Variants in SLC19A3 observed in about 807,000 individuals in gnomAD.
The protein encoded by SLC19A3 is thiamine transporter 2.
Under a neutral mutation model 40.2 loss-of-function variants are expected in SLC19A3, and 31 were observed. That is an observed-to-expected ratio of 0.77 (90% confidence interval 0.58 to 1.04). The LOEUF (loss-of-function observed/expected upper bound fraction) is 1.04. SLC19A3 is among the 50% of genes least tolerant of loss of function. SLC19A3 has a pLI of 0.00. For missense variants in SLC19A3, 592 were observed against 596.7 expected (o/e 0.99, Z 0.08); for synonymous variants, 212 against 227.5 (o/e 0.93, Z 0.61).
Position 227,702,189 on chromosome 2 carries a change from T to C in SLC19A3, c.130A>G (p.Lys44Glu), listed in dbSNP as rs137852957. ...CTTACCTCTGCACTGGTCAGGTTTT[T>C]ATCTGGTCCAGATAAATATGGGATA... Reference protein sequence around the residue: ...FLIPYLSGPDKNLTSAEITNE... With the variant: ...FLIPYLSGPDENLTSAEITNE... Residue 44 changes from lysine (K) to glutamate (E), a missense_variant, in exon 2 of 6, where the codon AAA becomes GAA. Transcript: ENST00000644224. The C allele has an allele frequency of 6.2e-7, 1 of 1,614,010 alleles. No homozygotes were observed. Among genetic ancestry groups the C allele is most frequent in the South Asian group, 1.1e-5 (1 of 91,076 alleles).
At chr2:227,693,124 A>G (rs1036676218) in intron 4 of SLC19A3, among the ~76,000 whole-genome samples, 1 of 152,196 alleles carries the variant, frequency 6.6e-6, no homozygotes, top group African/African-American at 2.4e-5. Flanking sequence ...CATACTATCC[A>G]AAGCAATTTA....
chr2:227,705,983 G>A (rs1695922379), intron 1 of SLC19A3, among the ~76,000 whole-genome samples: 1 of 151,928 alleles, frequency 6.6e-6, no homozygotes. Flanking sequence ...AGGAGTTCGA[G>A]GCTGCAGTGA....
intron 3 of SLC19A3, among the ~76,000 whole-genome samples, chr2:227,696,386 A>C (rs909697110): frequency 2.9e-4 from 44 of 152,356 alleles, no homozygotes; most frequent in African/African-American, 9.9e-4. Context: ...CAGTGTAAGG[A>C]GAAATGATAC....
chr2:227,716,549 C>CA (rs1696342400), intron 1 of SLC19A3, among the ~76,000 whole-genome samples: 2 of 152,170 alleles, frequency 1.3e-5, no homozygotes, highest in African/African-American at 4.8e-5. Flanking sequence ...ATATACCCCA[C>CA]ACCTGAACAG....
chr2:227,694,564 T>C (rs1695355836), intron 4 of SLC19A3, among the ~76,000 whole-genome samples: 1 of 152,230 alleles, frequency 6.6e-6, no homozygotes, highest in African/African-American at 2.4e-5. Flanking sequence ...TCTCCACTTC[T>C]TTCATGCAAT....
rs1695034153 is a variant in SLC19A3, at chr2:227,686,825, G to GAATAATGC, written c.*564_*571dup. 1 of 152,186 alleles carries GAATAATGC rather than the reference G, an allele frequency of 6.6e-6. No homozygotes were observed. Among genetic ancestry groups the GAATAATGC allele is most frequent in the Non-Finnish European group, 1.5e-5 (1 of 68,066 alleles). 9.4% of individuals were successfully genotyped at this position (152,186 alleles called of 1,614,324 possible). On this transcript the variant is annotated 3_prime_UTR_variant, in exon 6 of 6. Coordinates refer to ENST00000644224, the MANE Select transcript of SLC19A3 (RefSeq NM_025243.4). The stretch of plus-strand genomic sequence containing the variant: ...TAATAATACTATCAAATCATAACGT[G>GAATAATGC]AATAATGCTGTTATTAGAGTTGAAG...
At chr2:227,693,024 T>C (rs1432275057) in intron 4 of SLC19A3, among the ~76,000 whole-genome samples, 1 of 152,002 alleles carries the variant, frequency 6.6e-6, no homozygotes, top group Middle Eastern at 3.2e-3. Context: ...TATAAAACAC[T>C]GATACAAGAA....
chr2:227,712,050 CAAAAAA>C (rs397988111), intron 1 of SLC19A3, among the ~76,000 whole-genome samples: 1 of 65,494 alleles, frequency 1.5e-5, no homozygotes, highest in Non-Finnish European at 2.6e-5. Context: ...ACTCTGTCTC[CAAAAAA>C]AAAAAAAAAA....
intron 3 of SLC19A3, among the ~76,000 whole-genome samples, chr2:227,696,708 G>T (rs776145097): frequency 3.9e-5 from 6 of 152,160 alleles, no homozygotes; most frequent in Admixed American, 1.3e-4. Flanking sequence ...CAGAGTTCAA[G>T]AAATTGAAAT....
At chr2:227,697,905 G>A (rs1267683651) in intron 3 of SLC19A3, among the ~76,000 whole-genome samples, 2 of 151,584 alleles carry the variant, frequency 1.3e-5, no homozygotes, top group African/African-American at 2.4e-5. Context: ...GTGAAACCCC[G>A]TCTCTACTAA....
intron 3 of SLC19A3, among the ~76,000 whole-genome samples, chr2:227,697,907 C>G (rs1434391425): frequency 2.0e-5 from 3 of 151,808 alleles, no homozygotes; most frequent in African/African-American, 7.3e-5. Flanking sequence ...GAAACCCCGT[C>G]TCTACTAAAA....
chr2:227,691,661 T>C (rs907556099), intron 4 of SLC19A3, among the ~76,000 whole-genome samples: 1 of 151,894 alleles, frequency 6.6e-6, no homozygotes, highest in Non-Finnish European at 1.5e-5. Context: ...AACTTAATGA[T>C]GCGTCATAAA....
At chr2:227,696,218 C>G in intron 3 of SLC19A3, 137 bp from the exon 4 acceptor site, 1 of 796,758 alleles carries the variant, frequency 1.3e-6, no homozygotes, top group East Asian at 2.7e-5. Context: ...TGTGATCGAC[C>G]TGAATGTGGA....
chr2:227,707,296 A>AT (rs902012712), intron 1 of SLC19A3, among the ~76,000 whole-genome samples: 27 of 152,170 alleles, frequency 1.8e-4, no homozygotes, highest in African/African-American at 6.5e-4. Context: ...AAAAATAATT[A>AT]TTTTTCAGCC....
In SLC19A3 at chr2:227,687,580, A is replaced by G. The variant is rs781452199; in HGVS notation, c.1315-7T>C. On this transcript the variant is annotated splice_polypyrimidine_tract_variant and splice_region_variant and intron_variant, in intron 5 of 5. Coordinates refer to ENST00000644224, the MANE Select transcript of SLC19A3 (RefSeq NM_025243.4). ...AGCTCCCATAAACTAAAAACTGGAG[A>G]AAAACAAATAATTAGCCACATATAA... 45 of 1,613,124 alleles carry G rather than the reference A, an allele frequency of 2.8e-5. No homozygotes were observed. The highest frequency in any genetic ancestry group is 3.7e-5 in the Non-Finnish European group (44 of 1,179,410).
chr2:227,717,803 GC>G, intron 1 of SLC19A3, 139 bp downstream of exon 1: 1 of 615,098 alleles, frequency 1.6e-6, no homozygotes, highest in Non-Finnish European at 2.0e-6. Flanking sequence ...AGCTCCTCAC[GC>G]GGCTCAGAGT....
At chr2:227,714,316 GA>G in intron 1 of SLC19A3, 1 of 558,288 alleles carries the variant, frequency 1.8e-6, no homozygotes, top group Non-Finnish European at 2.3e-6. Context: ...CATTTCTGAT[GA>G]AAACAGTGCC....
intron 4 of SLC19A3, among the ~76,000 whole-genome samples, chr2:227,691,361 C>T (rs1164835161): frequency 2.6e-5 from 4 of 152,136 alleles, no homozygotes; most frequent in African/African-American, 9.7e-5. Context: ...AATTCCAGCA[C>T]TCTGCGAGGC....
intron 1 of SLC19A3, among the ~76,000 whole-genome samples, chr2:227,715,618 T>C (rs1696308176): frequency 6.6e-6 from 1 of 152,198 alleles, no homozygotes; most frequent in Non-Finnish European, 1.5e-5. Context: ...AAATTAATCA[T>C]TTCCTTCCAA....
Sources: allele counts gnomAD v4.1 joint callset (sites outside exome capture counted in the v4.1 genomes callset), GRCh38; gene constraint gnomAD v4.1.1; transcripts MANE v1.5; gene names NCBI Gene and HGNC (gene_info 2026-07-23, HGNC 2026-07-21).